CEP97: variants seen among roughly 807,000 people sequenced by gnomAD.
CEP97 encodes centrosomal protein 97, also known as centrosomal protein of 97 kDa.
Under a neutral mutation model 73.1 loss-of-function variants are expected in CEP97, and 43 were observed. The observed-to-expected ratio is 0.59, with a 90% CI of 0.46 to 0.76. CEP97 has a LOEUF of 0.76. Ranked by LOEUF, CEP97 falls within the 30% of genes least tolerant of loss-of-function variation. The probability of loss-of-function intolerance (pLI) is 0.00; values close to 1 mark genes in which losing one functional copy is unlikely to be tolerated. For synonymous variants in CEP97, 337 were observed against 370.0 expected (o/e 0.91, Z 1.02); for missense variants, 939 against 1,014.0 (o/e 0.93, Z 1.00).
chr3:101,724,808 A>C, intron 1 of CEP97, 89 bp downstream of exon 1: 4 of 1,363,696 alleles, frequency 2.9e-6, no homozygotes, highest in Non-Finnish European at 4.2e-6. Flanking sequence ...TTAGATGTGC[A>C]GTTCTGGACC....
intron 1 of CEP97, among the ~76,000 whole-genome samples, 169 bp downstream of exon 1, chr3:101,724,888 C>G (rs573895244): frequency 2.0e-5 from 3 of 152,358 alleles, no homozygotes; most frequent in Admixed American, 6.5e-5. Context: ...GTTCACCTGC[C>G]GTTCCCAGCT....
At chr3:101,763,129 G>A in intron 10 of CEP97, 1 of 1,205,456 alleles carries the variant, frequency 8.3e-7, no homozygotes, top group Non-Finnish European at 1.1e-6. Flanking sequence ...TTGCCATATT[G>A]CCCAGGCCGG....
At chr3:101,726,488 C>T in intron 1 of CEP97, 106 bp from the exon 2 acceptor site, 2 of 740,006 alleles carry the variant, frequency 2.7e-6, no homozygotes, top group Non-Finnish European at 4.0e-6. Flanking sequence ...CTCTACTGTT[C>T]TTTAACTTGA....
intron 4 of CEP97, among the ~76,000 whole-genome samples, chr3:101,729,276 TGTG>T (rs1938014762): frequency 2.0e-5 from 3 of 151,516 alleles, no homozygotes; most frequent in Non-Finnish European, 4.4e-5. Flanking sequence ...AGGTGGAGGT[TGTG>T]GTGACCCGAG....
intron 10 of CEP97, 78 bp from the exon 11 acceptor site, chr3:101,764,769 C>G (rs76019151): frequency 7.7e-7 from 1 of 1,291,350 alleles, no homozygotes; most frequent in Non-Finnish European, 1.1e-6. Context: ...GGTGACAGAG[C>G]GAGACCCTGT....
chr3:101,737,068 G>A (rs1054930266), intron 6 of CEP97, among the ~76,000 whole-genome samples: 6 of 152,156 alleles, frequency 3.9e-5, no homozygotes, highest in African/African-American at 1.4e-4. Context: ...TAGTCGATTT[G>A]ATCAAAAGGA....
rs764869260 is a variant in CEP97 at position 101,757,100 on chromosome 3, G to A, written c.931G>A (p.Glu311Lys). 3 of 1,612,572 alleles carry A rather than the reference G, an allele frequency of 1.9e-6. No homozygotes were observed. Among genetic ancestry groups the A allele is most frequent in the Non-Finnish European group, 8.5e-7 (1 of 1,179,444 alleles). The change falls in exon 8 of 11, where the codon GAA becomes AAA. Residue 311 changes from glutamate (E) to lysine (K), a missense_variant. Coordinates refer to ENST00000341893, the MANE Select transcript of CEP97 (RefSeq NM_024548.4). ...QRQLMNQSQN[E>K]ELSPLVPVET... ...GCAGTTGATGAACCAAAGCCAAAATGAAGAGTTGTCTCCTCTTGTTCCTGT... is the reference window on the plus strand; with the variant it reads ...GCAGTTGATGAACCAAAGCCAAAATAAAGAGTTGTCTCCTCTTGTTCCTGT...
chr3:101,757,694 C>A lies in CEP97; in HGVS notation c.1088C>A (p.Ala363Glu), dbSNP rs767173679. Residue 363 changes from alanine (A) to glutamate (E), a missense_variant, in exon 9 of 11, where the codon GCG becomes GAG. Physicochemically the swap from Ala to Glu is moderately radical, Grantham distance 107. Transcript: ENST00000341893. ...AACAGTAATGATGATCAGTTATTTG[C>A]GGTTAAGAATAATTTTCCAGCCTCT... is the stretch of plus-strand genomic sequence containing the variant. The part of the protein sequence containing the change: ...GINSNDDQLF[A>E]VKNNFPASVH... 1.9e-6 allele frequency: 3 copies of A among 1,613,976 alleles called. No homozygotes were observed. In the African/African-American group the frequency reaches 4.0e-5, roughly 22 times the overall value.
intron 6 of CEP97, among the ~76,000 whole-genome samples, chr3:101,748,300 T>C (rs1159576260): frequency 1.3e-5 from 2 of 151,862 alleles, no homozygotes; most frequent in African/African-American, 2.4e-5. Flanking sequence ...GATGAATTCA[T>C]GTGAAGCAAA....
At chr3:101,756,656 G>A (rs1939013492) in intron 7 of CEP97, among the ~76,000 whole-genome samples, 1 of 152,096 alleles carries the variant, frequency 6.6e-6, no homozygotes, top group African/African-American at 2.4e-5. Context: ...GGGATTACAG[G>A]TGCGCGACAC....
intron 8 of CEP97, 44 bp from the exon 9 acceptor site, chr3:101,757,590 G>A: frequency 6.5e-7 from 1 of 1,528,552 alleles, no homozygotes; most frequent in Non-Finnish European, 8.9e-7. Flanking sequence ...TAACTAAAAT[G>A]TAAACATTTA....
chr3:101,753,184 C>G (rs903340952), intron 6 of CEP97, among the ~76,000 whole-genome samples: 3 of 152,208 alleles, frequency 2.0e-5, no homozygotes, highest in African/African-American at 7.2e-5. Flanking sequence ...GCCTGGGTAA[C>G]AGCAGTGGTG....
intron 4 of CEP97, among the ~76,000 whole-genome samples, chr3:101,730,795 CA>C (rs1348246740): frequency 6.6e-6 from 1 of 152,116 alleles, no homozygotes; most frequent in African/African-American, 2.4e-5. Context: ...TTATTACCAT[CA>C]GATATGTTCA....
rs1277876712 is a variant in CEP97, at chr3:101,755,531, C to T, written c.830C>T (p.Thr277Ile). 3 of 1,613,728 alleles carry T rather than the reference C, an allele frequency of 1.9e-6. No homozygotes were observed. The highest frequency in any genetic ancestry group is 1.3e-5 in the African/African-American group (1 of 74,792). ...TATCTGGCTACAGTCTGCCCCCTCA[C>T]TTCTACACTAGGTCTTCAAACTGCA... ...VQYLATVCPL[T>I]STLGLQTAED... Residue 277 changes from threonine to isoleucine, a missense_variant, in exon 7 of 11, where the codon ACT becomes ATT. Physicochemically the swap from Thr to Ile is moderately conservative, Grantham distance 89. Transcript: ENST00000341893.
At chr3:101,732,198 G>A (rs914524449) in intron 5 of CEP97, among the ~76,000 whole-genome samples, 1 of 152,106 alleles carries the variant, frequency 6.6e-6, no homozygotes, top group East Asian at 1.9e-4. Flanking sequence ...GGACATCTAC[G>A]TTATAAGGGT....
At position 101,724,643 on chromosome 3, in the gene CEP97, G is replaced by A; in HGVS notation, c.-34G>A. ...TACAAGCTCCACAGAGCCGCGGGAG[G>A]ACGGTTGCCTGGTATTATTAGCAAG... On this transcript the variant is annotated 5_prime_UTR_variant, in exon 1 of 11. Transcript: ENST00000341893. The A allele has an allele frequency of 2.5e-6, 4 of 1,613,934 alleles. No homozygotes were observed. Among genetic ancestry groups the A allele is most frequent in the Non-Finnish European group, 3.4e-6 (4 of 1,179,840 alleles).
chr3:101,730,770 T>A (rs1161806740), intron 4 of CEP97, among the ~76,000 whole-genome samples: 2 of 152,190 alleles, frequency 1.3e-5, no homozygotes. Flanking sequence ...TTAAATATTG[T>A]TGCCTCATTG....
At chr3:101,750,841 T>C (rs576825080) in intron 6 of CEP97, among the ~76,000 whole-genome samples, 43 of 152,350 alleles carry the variant, frequency 2.8e-4, no homozygotes, top group Non-Finnish European at 4.6e-4. Flanking sequence ...CTATCAATTT[T>C]GTTGATCCTT....
intron 6 of CEP97, among the ~76,000 whole-genome samples, chr3:101,739,823 T>C (rs997738482): frequency 3.3e-5 from 5 of 151,782 alleles, no homozygotes; most frequent in Non-Finnish European, 7.4e-5. Flanking sequence ...GAGAATTGCT[T>C]GAACCCGGGA....
Sources: gnomAD v4.1 joint callset for allele counts (sites outside exome capture counted in the v4.1 genomes callset) on GRCh38, gnomAD v4.1.1 for gene constraint, MANE v1.5 for transcripts, NCBI Gene and HGNC (gene_info 2026-07-23, HGNC 2026-07-21) for gene names.